SUPT6H: variants seen among roughly 807,000 people sequenced by gnomAD.
The protein encoded by SUPT6H is SPT6 homolog, histone chaperone and transcription elongation factor.
A neutral mutation model predicts 222.3 loss-of-function variants in SUPT6H; 11 were observed. That is an observed-to-expected ratio of 0.05 (90% CI 0.03 to 0.08). The LOEUF (loss-of-function observed/expected upper bound fraction) is 0.08. SUPT6H is among the 10% of genes least tolerant of loss of function. The pLI, the probability that SUPT6H is intolerant of heterozygous loss-of-function variation, is 1.00. For synonymous variants in SUPT6H, 762 were observed against 801.2 expected (o/e 0.95, Z 0.83); for missense variants, 1,422 against 2,216.0 (o/e 0.64, Z 7.19).
At position 28,701,821 on chromosome 17, in the gene SUPT6H, C is replaced by T. The variant is rs1597725489; in HGVS notation, c.*196C>T. The stretch of plus-strand genomic sequence containing the variant: ...TCAGTGTATGCTAGGCAACAATTCT[C>T]CCGCTCCAGACCCTCACCGACCACC... On this transcript the variant is annotated 3_prime_UTR_variant, in exon 37 of 37. Coordinates refer to ENST00000314616, the MANE Select transcript of SUPT6H (RefSeq NM_003170.5). 1.0e-5 allele frequency: 6 copies of T among 597,338 alleles called. No homozygotes were observed. The highest frequency in any genetic ancestry group is 1.4e-5 in the Non-Finnish European group (5 of 347,122). The allele number at this position is 597,338 out of a possible 1,614,324, so 37.0% of individuals were successfully genotyped here.
At chr17:28,674,887 G>C in intron 4 of SUPT6H, 83 bp from the exon 5 acceptor site, 1 of 1,473,038 alleles carries the variant, frequency 6.8e-7, no homozygotes, top group Non-Finnish European at 9.3e-7. Context: ...AATTGTGGTG[G>C]GAAGAAGGGA....
intron 7 of SUPT6H, 107 bp from the exon 8 acceptor site, chr17:28,677,608 T>C: frequency 1.3e-6 from 1 of 789,928 alleles, no homozygotes; most frequent in South Asian, 1.6e-5. Context: ...AGAACAATAC[T>C]GGAAATGTGC....
chr17:28,681,776 AG>A, intron 12 of SUPT6H, 105 bp from the exon 13 acceptor site: 2 of 932,120 alleles, frequency 2.1e-6, no homozygotes, highest in Admixed American at 5.7e-5. Flanking sequence ...GGCATCTTGA[AG>A]GAGGCCCTTG....
intron 1 of SUPT6H, among the ~76,000 whole-genome samples, chr17:28,667,394 A>AAAGT (rs1555546879): frequency 1.7e-5 from 1 of 59,340 alleles, no homozygotes; most frequent in Admixed American, 2.4e-4. Context: ...AAAAAAAAAA[A>AAAGT]GTGTGTGTGT....
rs2030844787 is a variant in SUPT6H, at chr17:28,677,732, C to G, written c.915C>G (p.Val305=). The part of the protein sequence containing the change: ...PERFQLRSIP[V]KGAEDDELEE... ...CACTCCAGCTCCGCTCCATCCCAGT[C>G]AAGGGGGCTGAAGATGATGAACTAG... Residue 305 remains valine (V), a synonymous_variant, in exon 8 of 37, where the codon GTC becomes GTG. Coordinates refer to ENST00000314616, the MANE Select transcript of SUPT6H (RefSeq NM_003170.5). 6.2e-7 allele frequency: 1 copy of G among 1,614,092 alleles called. No individual in the cohort carries two copies. The highest frequency in any genetic ancestry group is 1.3e-5 in the African/African-American group (1 of 74,936).
At position 28,700,970 on chromosome 17, in the gene SUPT6H, G is replaced by A. The variant is rs2032105581; in HGVS notation, c.4836G>A (p.Val1612=). 1.9e-6 allele frequency: 3 copies of A among 1,613,248 alleles called. No homozygotes were observed. The highest frequency in any genetic ancestry group is 2.7e-5 in the African/African-American group (2 of 74,878). ...HVFPTPAQQP[V]ATPLMTPSYS... ...TCCCAACGCCAGCCCAGCAGCCAGT[G>A]GCCACACCACTAATGACCCCTAGCT... Residue 1612 remains valine, a synonymous_variant, in exon 36 of 37, where the codon GTG becomes GTA. Coordinates refer to ENST00000314616, the MANE Select transcript of SUPT6H (RefSeq NM_003170.5).
At chr17:28,680,978 C>CT (rs1364031605) in intron 11 of SUPT6H, among the ~76,000 whole-genome samples, 4 of 152,190 alleles carry the variant, frequency 2.6e-5, no homozygotes, top group Non-Finnish European at 5.9e-5. Context: ...AAGAAATGGT[C>CT]TTTCTTCTGT....
intron 35 of SUPT6H, 127 bp downstream of exon 35, chr17:28,700,639 A>C: frequency 7.8e-7 from 1 of 1,290,134 alleles, no homozygotes; most frequent in East Asian, 2.4e-5. Context: ...TCTCCAACAG[A>C]TATTTCTTGT....
chr17:28,673,545 A>G (rs1299401406), intron 2 of SUPT6H, 35 bp downstream of exon 2: 1 of 1,479,668 alleles, frequency 6.8e-7, no homozygotes, highest in Non-Finnish European at 9.4e-7. Context: ...TCTCCCCACT[A>G]TTGCTAAGCT....
intron 1 of SUPT6H, among the ~76,000 whole-genome samples, chr17:28,666,308 A>C (rs1371918250): frequency 3.9e-5 from 6 of 152,186 alleles, no homozygotes; most frequent in Non-Finnish European, 8.8e-5. Context: ...ACCCCCATTC[A>C]TTTACATGTT....
intron 1 of SUPT6H, among the ~76,000 whole-genome samples, chr17:28,671,435 G>A (rs2151610180): frequency 6.6e-6 from 1 of 152,246 alleles, no homozygotes; most frequent in Non-Finnish European, 1.5e-5. Flanking sequence ...TCTTCCAGAA[G>A]CTTGTAGTCT....
chr17:28,678,258 T>G, intron 9 of SUPT6H, 66 bp downstream of exon 9: 1 of 1,417,062 alleles, frequency 7.1e-7, no homozygotes, highest in Non-Finnish European at 9.9e-7. Flanking sequence ...GAAAAGATAA[T>G]TACCTAAATG....
Position 28,700,986 on chromosome 17 carries a change from A to G in SUPT6H, c.4852A>G (p.Thr1618Ala). Residue 1618 changes from threonine to alanine, a missense_variant, in exon 36 of 37, where the codon ACC becomes GCC. Thr to Ala is a moderately conservative substitution (Grantham distance 58). Transcript: ENST00000314616. ...GCAGCCAGTGGCCACACCACTAATG[A>G]CCCCTAGCTACTCCTACACGACCCC... ...AQQPVATPLM[T>A]PSYSYTTPSQ... The G allele has an allele frequency of 1.9e-6, 3 of 1,613,212 alleles. No individual in the cohort carries two copies. Among genetic ancestry groups the G allele is most frequent in the Non-Finnish European group, 2.5e-6 (3 of 1,179,688 alleles).
Position 28,690,079 on chromosome 17 carries a change from C to T in SUPT6H, c.3343-3C>T, listed in dbSNP as rs375549845. 58 of 1,607,236 alleles carry T rather than the reference C, an allele frequency of 3.6e-5. No individual in the cohort carries two copies. Among genetic ancestry groups the T allele is most frequent in the Middle Eastern group, 2.1e-4 (1 of 4,790 alleles). On this transcript the variant is annotated splice_polypyrimidine_tract_variant and splice_region_variant and intron_variant, in intron 25 of 36. Transcript: ENST00000314616. ...GGCTCTTCTTGATGGGCTTCTTCCC[C>T]AGGGCTATGGTGACAAACACATCAC...
chr17:28,682,976 G>T lies in SUPT6H; in HGVS notation c.1762G>T (p.Ala588Ser), dbSNP rs900840157. Residue 588 changes from alanine to serine, a missense_variant, in exon 15 of 37, where the codon GCC (alanine) becomes TCC (serine). Ala to Ser is a moderately conservative substitution (Grantham distance 99). Coordinates refer to ENST00000314616, the MANE Select transcript of SUPT6H (RefSeq NM_003170.5). ...FPTPEAVLEG[A>S]RYMVALQIAR... Reference sequence around the variant, plus strand: ...TACTCCAGAAGCTGTGCTAGAAGGCGCCCGCTACATGGTAGCCCTGCAGAT... The same window carrying T: ...TACTCCAGAAGCTGTGCTAGAAGGCTCCCGCTACATGGTAGCCCTGCAGAT... 10 of 1,613,222 alleles carry T rather than the reference G, an allele frequency of 6.2e-6. No homozygotes were observed. The highest frequency in any genetic ancestry group is 8.5e-6 in the Non-Finnish European group (10 of 1,179,570).
chr17:28,669,740 G>T (rs991021849), intron 1 of SUPT6H, among the ~76,000 whole-genome samples: 10 of 152,124 alleles, frequency 6.6e-5, no homozygotes, highest in African/African-American at 2.4e-4. Flanking sequence ...TTCGAGACCA[G>T]CCTGGCCAAT....
chr17:28,701,072 G>A lies in SUPT6H; in HGVS notation c.4938G>A (p.Ser1646=), dbSNP rs1306807203. ...HQLQASTTPQ[S]AQAQPQPSSS... ...TCCAGGCCAGCACCACCCCACAGTCGGCCCAGGCCCAGCCCCAGCCCTCTT... is the reference window on the plus strand; with the variant it reads ...TCCAGGCCAGCACCACCCCACAGTCAGCCCAGGCCCAGCCCCAGCCCTCTT... The change falls in exon 36 of 37, where the codon TCG becomes TCA. Residue 1646 remains serine (S), a synonymous_variant. Coordinates refer to ENST00000314616, the MANE Select transcript of SUPT6H (RefSeq NM_003170.5). 8.7e-6 allele frequency: 14 copies of A among 1,613,690 alleles called. No homozygotes were observed. The highest frequency in any genetic ancestry group is 4.5e-5 in the East Asian group (2 of 44,882).
chr17:28,675,748 T>TC (rs1423182232), intron 6 of SUPT6H, among the ~76,000 whole-genome samples: 2 of 152,206 alleles, frequency 1.3e-5, no homozygotes, highest in Non-Finnish European at 2.9e-5. Context: ...CGCCTACAGC[T>TC]CCATGTTTAT....
intron 11 of SUPT6H, among the ~76,000 whole-genome samples, chr17:28,680,441 T>TA (rs769792024): frequency 6.6e-6 from 1 of 150,984 alleles, no homozygotes; most frequent in Non-Finnish European, 1.5e-5. Context: ...CTACTAAAAA[T>TA]ACAAAAATTA....
Sources: allele counts gnomAD v4.1 joint callset (sites outside exome capture counted in the v4.1 genomes callset), GRCh38; gene constraint gnomAD v4.1.1; transcripts MANE v1.5; gene names NCBI Gene and HGNC (gene_info 2026-07-23, HGNC 2026-07-21).